KRT25: variants seen among roughly 807,000 people sequenced by gnomAD.
The protein encoded by KRT25 is keratin, type I cytoskeletal 25.
A neutral mutation model predicts 47.6 loss-of-function variants in KRT25; 37 were observed. The ratio of observed to expected loss-of-function variants is 0.78; its 90% CI spans 0.60 to 1.02. The LOEUF is 1.02. Ranked by LOEUF, KRT25 falls within the 50% of genes least tolerant of loss-of-function variation. The pLI, the probability that KRT25 is intolerant of heterozygous loss-of-function variation, is 0.00. For synonymous variants in KRT25, 203 were observed against 210.2 expected, an observed-to-expected ratio of 0.97 and a Z score of 0.30; for missense variants, 542 against 550.3, an observed-to-expected ratio of 0.98 and a Z score of 0.15.
intron 7 of KRT25, among the ~76,000 whole-genome samples, 197 bp downstream of exon 7, chr17:40,749,061 G>T (rs1365761734): frequency 6.6e-6 from 1 of 152,068 alleles, no homozygotes; most frequent in Non-Finnish European, 1.5e-5. Context: ...GAGGGGGAAG[G>T]GTGGGAGGAG....
chr17:40,755,386 T>G, upstream of KRT25: 1 of 958,104 alleles, frequency 1.0e-6, no homozygotes, highest in South Asian at 1.7e-5. Flanking sequence ...GTGTTCTGAA[T>G]GAAATTCTGC....
chr17:40,755,031 C>A lies in KRT25; in HGVS notation c.241G>T (p.Val81Leu), dbSNP rs764698089. 1 of 1,614,182 alleles carries A rather than the reference C, an allele frequency of 6.2e-7. No individual in the cohort carries two copies. Among genetic ancestry groups the A allele is most frequent in the African/African-American group, 1.3e-5 (1 of 75,048 alleles). ...ERGLLSGNEK[V>L]TMQNLNDRLA... Reference sequence around the variant, plus strand: ...CGGTCATTGAGGTTCTGCATGGTCACCTTCTCATTGCCAGAAAGGAGCCCC... The same window carrying A: ...CGGTCATTGAGGTTCTGCATGGTCAACTTCTCATTGCCAGAAAGGAGCCCC... The change falls in exon 1 of 8, where the codon GTG becomes TTG. Residue 81 changes from valine to leucine, a missense_variant. Coordinates refer to ENST00000312150, the MANE Select transcript of KRT25 (RefSeq NM_181534.4).
chr17:40,750,897 G>T, intron 5 of KRT25, 57 bp downstream of exon 5: 1 of 1,579,306 alleles, frequency 6.3e-7, no homozygotes, highest in African/African-American at 1.4e-5. Flanking sequence ...AAACCAGCTG[G>T]CAAGTATCTA....
chr17:40,754,376 G>T lies in KRT25; in HGVS notation c.512+10C>A, dbSNP rs1435579503. On this transcript the variant is annotated intron_variant, in intron 2 of 7. Transcript: ENST00000312150. ...GCCATGAATTCATTTCACTCTGGCA[G>T]TCTACTTACTTGAGTCTGAAATCAT... The T allele has an allele frequency of 3.1e-6, 5 of 1,607,330 alleles. No homozygotes were observed. The highest frequency in any genetic ancestry group is 4.3e-6 in the Non-Finnish European group (5 of 1,173,984).
In KRT25 at chr17:40,751,281, C is replaced by T; in HGVS notation, c.715G>A (p.Glu239Lys). 6.2e-7 allele frequency: 1 copy of T among 1,614,068 alleles called. No homozygotes were observed. Among genetic ancestry groups the T allele is most frequent in the Non-Finnish European group, 8.5e-7 (1 of 1,179,962 alleles). The change falls in exon 4 of 8, where the codon GAG (glutamate) becomes AAG (lysine). Residue 239 changes from glutamate to lysine, a missense_variant. Physicochemically the swap from Glu to Lys is moderately conservative, Grantham distance 56. Coordinates refer to ENST00000312150, the MANE Select transcript of KRT25 (RefSeq NM_181534.4). ...QCAAGGNVNVEMNAAPGVDLT... is the reference protein window; with the variant it reads ...QCAAGGNVNVKMNAAPGVDLT... ...TCCACCCCGGGGGCTGCGTTCATCT[C>T]CACGTTCACGTTGCCTCCAGCTGCG... is the stretch of plus-strand genomic sequence containing the variant.
At position 40,755,093 on chromosome 17, in the gene KRT25, C is replaced by A. The variant is rs1288856930; in HGVS notation, c.179G>T (p.Gly60Val). 1.9e-6 allele frequency: 3 copies of A among 1,614,110 alleles called. No individual in the cohort carries two copies. The East Asian group carries it at 6.7e-5, about 36-fold the overall frequency. Reference protein sequence around the residue: ...GGSSSGGNTGGGNPCAGFTVN... With the variant: ...GGSSSGGNTGVGNPCAGFTVN... ...AGTGAAGCCAGCACAGGGATTACCT[C>A]CCCCTGTGTTTCCTCCCGATGAGCT... Residue 60 changes from glycine (G) to valine (V), a missense_variant, in exon 1 of 8, where the codon GGA becomes GTA. Physicochemically the swap from Gly to Val is moderately radical, Grantham distance 109. Transcript: ENST00000312150.
chr17:40,751,218 C>A lies in KRT25; in HGVS notation c.778G>T (p.Glu260Ter). The A allele has an allele frequency of 6.2e-7, 1 of 1,614,106 alleles. No homozygotes were observed. The highest frequency in any genetic ancestry group is 8.5e-7 in the Non-Finnish European group (1 of 1,179,944). The change falls in exon 4 of 8, where the codon GAA (glutamate) becomes TAA (stop). Residue 260 changes from glutamate (E) to a stop codon, truncating the protein, a stop_gained. Transcript: ENST00000312150. LOFTEE classifies it high-confidence loss of function. ...CTGCGGTTCTGCTCTGCAAGGGCTT[C>A]GTACTCAGCTCGCATGTTGTTCAGC... is the stretch of plus-strand genomic sequence containing the variant. ...VLLNNMRAEY[E>*]ALAEQNRRDA...
intron 1 of KRT25, 67 bp downstream of exon 1, chr17:40,754,776 T>C (rs2038089839): frequency 7.9e-7 from 1 of 1,269,962 alleles, no homozygotes; most frequent in Middle Eastern, 2.2e-4. Flanking sequence ...TAGAATTTAA[T>C]AAAGAAAGGA....
chr17:40,750,897 G>A (rs918600387), intron 5 of KRT25, 57 bp downstream of exon 5: 3 of 1,579,194 alleles, frequency 1.9e-6, no homozygotes, highest in Admixed American at 1.8e-5. Flanking sequence ...AAACCAGCTG[G>A]CAAGTATCTA....
chr17:40,750,856 C>G, intron 5 of KRT25, 98 bp downstream of exon 5: 1 of 1,435,250 alleles, frequency 7.0e-7, no homozygotes, highest in Non-Finnish European at 9.5e-7. Flanking sequence ...CAATTATAAA[C>G]AAATATATTT....
upstream of KRT25, chr17:40,755,336 T>G (rs1567665985): frequency 6.7e-7 from 1 of 1,497,424 alleles, no homozygotes; most frequent in Admixed American, 2.1e-5. Flanking sequence ...CCTTCTTGTC[T>G]AAAAGGTTTG....
rs1360270936 is a variant in KRT25, at chr17:40,751,025, G to C, written c.886C>G (p.Arg296Gly). 6.2e-7 allele frequency: 1 copy of C among 1,614,094 alleles called. No homozygotes were observed. Among genetic ancestry groups the C allele is most frequent in the African/African-American group, 1.3e-5 (1 of 75,016 alleles). ...SEDVGATTSARNELTEMKRTL... is the reference protein window; with the variant it reads ...SEDVGATTSAGNELTEMKRTL... ...CGCTTCATTTCAGTCAGCTCATTCC[G>C]GGCTGAGGTTGTGGCTCCGACATCC... is the stretch of plus-strand genomic sequence containing the variant. The change falls in exon 5 of 8, where the codon CGG becomes GGG. Residue 296 changes from arginine (R) to glycine (G), a missense_variant. Coordinates refer to ENST00000312150, the MANE Select transcript of KRT25 (RefSeq NM_181534.4).
chr17:40,748,181 G>A lies in KRT25; in HGVS notation c.*96C>T. 1.4e-6 allele frequency: 1 copy of A among 723,698 alleles called. No individual in the cohort carries two copies. Among genetic ancestry groups the A allele is most frequent in the East Asian group, 2.8e-5 (1 of 35,930 alleles). The allele number at this position is 723,698 out of a possible 1,614,324, so 44.8% of individuals were successfully genotyped here. ...AAAGTAACAGAAAGACAACAGGTTA[G>A]ACATTTTTCTTAGACATGCACATTT... is the stretch of plus-strand genomic sequence containing the variant. On this transcript the variant is annotated 3_prime_UTR_variant, in exon 8 of 8. Coordinates refer to ENST00000312150, the MANE Select transcript of KRT25 (RefSeq NM_181534.4).
At position 40,751,322 on chromosome 17, in the gene KRT25, A is replaced by C. The variant is rs999802447; in HGVS notation, c.674T>G (p.Met225Arg). 5 of 1,608,796 alleles carry C rather than the reference A, an allele frequency of 3.1e-6. No individual in the cohort carries two copies. In the African/African-American group the frequency reaches 6.7e-5, roughly 22 times the overall value. ...TYLKKNHKEE[M>R]QVLQCAAGGN... Reference sequence around the variant, plus strand: ...TCCAGCTGCGCACTGCAGAACTTGCATTTCCTAGAGGCAGAAAAGTGTTCT... The same window carrying C: ...TCCAGCTGCGCACTGCAGAACTTGCCTTTCCTAGAGGCAGAAAAGTGTTCT... Residue 225 changes from methionine (M) to arginine (R), a missense_variant, in exon 4 of 8, where the codon ATG (methionine) becomes AGG (arginine). Transcript: ENST00000312150.
rs1448792267 is a variant in KRT25, at chr17:40,754,033, G to T, written c.513-17C>A. On this transcript the variant is annotated splice_polypyrimidine_tract_variant and intron_variant, in intron 2 of 7. Transcript: ENST00000312150. ...TTTTCATACCTTAAAGAGTGTTAAT[G>T]ATTTCCTAATTTGTCACATGGTTGG... 1 of 1,612,670 alleles carries T rather than the reference G, an allele frequency of 6.2e-7. No individual in the cohort carries two copies. The highest frequency in any genetic ancestry group is 2.2e-5 in the East Asian group (1 of 44,850).
In KRT25 at chr17:40,755,146, T is replaced by G. The variant is rs1188879879; in HGVS notation, c.126A>C (p.Gly42=). ...TGNSCGISGI[G]SGFSSAFGGS... ...CTCCGAAGGCACTAGAGAAGCCACT[T>G]CCAATCCCTGAAATGCCACAAGAAT... Residue 42 remains glycine (G), a synonymous_variant, in exon 1 of 8, where the codon GGA becomes GGC. Transcript: ENST00000312150. 4.3e-6 allele frequency: 7 copies of G among 1,614,150 alleles called. No homozygotes were observed. The highest frequency in any genetic ancestry group is 5.9e-6 in the Non-Finnish European group (7 of 1,180,028).
At chr17:40,753,315 C>T (rs1238232464) in intron 3 of KRT25, among the ~76,000 whole-genome samples, 1 of 151,232 alleles carries the variant, frequency 6.6e-6, no homozygotes, top group African/African-American at 2.4e-5. Context: ...CCTGATTGGT[C>T]TGGAAAACAT....
At position 40,755,168 on chromosome 17, in the gene KRT25, G is replaced by A; in HGVS notation, c.104C>T (p.Ser35Phe). Residue 35 changes from serine (S) to phenylalanine (F), a missense_variant, in exon 1 of 8, where the codon TCT (serine) becomes TTT (phenylalanine). By Grantham distance (155) the Ser-to-Phe change is radical. Coordinates refer to ENST00000312150, the MANE Select transcript of KRT25 (RefSeq NM_181534.4). ...ACTTCCAATCCCTGAAATGCCACAA[G>A]AATTTCCAGTACCAAAGCTGGTTCC... ...GGGTSFGTGN[S>F]CGISGIGSGF... The A allele has an allele frequency of 1.9e-6, 3 of 1,614,240 alleles. No individual in the cohort carries two copies. The highest frequency in any genetic ancestry group is 2.5e-6 in the Non-Finnish European group (3 of 1,180,046).
chr17:40,755,216 C>T lies in KRT25; in HGVS notation c.56G>A (p.Gly19Glu). The stretch of plus-strand genomic sequence containing the variant: ...TCCCCCACCATAGAGTCTGAGTGAT[C>T]CAGTGGTGGGACGAGGACAGGACCT... ...SRRSCPRPTT[G>E]SLRLYGGGTS... is the part of the protein sequence containing the mutation. The change falls in exon 1 of 8, where the codon GGA (glycine) becomes GAA (glutamate). Residue 19 changes from glycine to glutamate, a missense_variant. Physicochemically the swap from Gly to Glu is moderately conservative, Grantham distance 98 (BLOSUM62 -2). Transcript: ENST00000312150. 6.2e-7 allele frequency: 1 copy of T among 1,614,180 alleles called. No individual in the cohort carries two copies. The highest frequency in any genetic ancestry group is 8.5e-7 in the Non-Finnish European group (1 of 1,180,040).
Sources: gnomAD v4.1 joint callset for allele counts (sites outside exome capture counted in the v4.1 genomes callset) on GRCh38, gnomAD v4.1.1 for gene constraint, MANE v1.5 for transcripts, NCBI Gene and HGNC (gene_info 2026-07-23, HGNC 2026-07-21) for gene names.